Variants in UPRT observed in about 807,000 individuals in gnomAD.
UPRT encodes the protein RP11-311P8.3.
UPRT carries 5 observed loss-of-function variants against 22.6 expected under a neutral mutation model. The ratio of observed to expected loss-of-function variants is 0.22; its 90% CI spans 0.12 to 0.47. The LOEUF is 0.47. Ranked by LOEUF, UPRT falls within the 20% of genes least tolerant of loss-of-function variation. The pLI is 0.99. For missense variants in UPRT, 181 were observed against 239.9 expected, an observed-to-expected ratio of 0.75 and a Z score of 1.62; for synonymous variants, 77 against 87.7, an observed-to-expected ratio of 0.88 and a Z score of 0.68.
chrX:75,177,366 C>T (rs953525262), intron 4 of UPRT, among the ~76,000 whole-genome samples: 1 of 111,703 alleles, frequency 9.0e-6, no homozygotes, highest in Non-Finnish European at 1.9e-5. Context: ...CGAGGAAGGT[C>T]GGATTTAGTG....
intron 1 of UPRT, among the ~76,000 whole-genome samples, chrX:75,278,944 A>G (rs1250110314): frequency 3.6e-5 from 4 of 111,825 alleles, no homozygotes; most frequent in African/African-American, 1.3e-4. Flanking sequence ...GTGACTAAGT[A>G]ATGTATTGTC....
At position 75,303,965 on chromosome X, in the gene UPRT, G is replaced by T. The variant is rs747743060; in HGVS notation, c.*454G>T. The T allele has an allele frequency of 8.8e-6, 1 of 114,089 alleles. No homozygotes were observed. Among genetic ancestry groups the T allele is most frequent in the Non-Finnish European group, 1.8e-5 (1 of 54,809 alleles). 9.4% of individuals were successfully genotyped at this position (114,089 alleles called of 1,213,427 possible). On this transcript the variant is annotated 3_prime_UTR_variant, in exon 7 of 7. Coordinates refer to ENST00000373383, the MANE Select transcript of UPRT (RefSeq NM_145052.4). The stretch of plus-strand genomic sequence containing the variant: ...CTGTTTTCTTTCTGATACTGGACAT[G>T]CTAGTAACTTGGAGAGGAGAATAAA...
chrX:75,207,718 T>A (rs1038369098), intron 4 of UPRT, among the ~76,000 whole-genome samples: 1 of 111,675 alleles, frequency 9.0e-6, no homozygotes, highest in Admixed American at 9.5e-5. Flanking sequence ...TGAGTTTCTG[T>A]GCCTCTGAGG....
intron 4 of UPRT, among the ~76,000 whole-genome samples, chrX:75,168,477 C>T (rs1171666698): frequency 1.8e-5 from 2 of 110,908 alleles, no homozygotes; most frequent in African/African-American, 3.3e-5. Context: ...TTAAAATTTC[C>T]GTAGGTTTTG....
At position 75,304,561 on chromosome X, in the gene UPRT, T is replaced by C. The variant is rs1421800565; in HGVS notation, c.*1050T>C. 8.9e-6 allele frequency: 1 copy of C among 111,738 alleles called. No homozygotes were observed. The highest frequency in any genetic ancestry group is 3.3e-5 in the African/African-American group (1 of 30,733). The allele number at this position is 111,738 out of a possible 1,213,427, so 9.2% of individuals were successfully genotyped here. ...GTTCTGAAATCTGCTTGTAAAACTC[T>C]CATCTCATTTTACATTGATATTAAA... On this transcript the variant is annotated 3_prime_UTR_variant, in exon 7 of 7. Coordinates refer to ENST00000373383, the MANE Select transcript of UPRT (RefSeq NM_145052.4).
intron 4 of UPRT, among the ~76,000 whole-genome samples, chrX:75,234,304 C>T (rs1455567949): frequency 9.0e-6 from 1 of 111,036 alleles, no homozygotes. Flanking sequence ...GAGTGACCTA[C>T]AAAAAGGCTT....
intron 4 of UPRT, among the ~76,000 whole-genome samples, chrX:75,244,054 C>T (rs150337407): frequency 9.0e-6 from 1 of 111,359 alleles, no homozygotes; most frequent in African/African-American, 3.2e-5. Context: ...TCTTATCATC[C>T]AATCCAATTT....
intron 3 of UPRT, among the ~76,000 whole-genome samples, chrX:75,164,663 A>C: frequency 8.9e-6 from 1 of 112,217 alleles, no homozygotes. Context: ...TTGAAGCAAT[A>C]AAAATATGTT....
chrX:75,280,124 G>T (rs6647682), intron 1 of UPRT, among the ~76,000 whole-genome samples: 12,444 of 100,097 alleles, frequency 0.12, 1,488 homozygotes, highest in East Asian at 0.91. Context: ...GGGATTGTTT[G>T]TTTTTTTTTT....
chrX:75,302,709 A>T (rs185886098), intron 6 of UPRT, among the ~76,000 whole-genome samples: 26 of 110,907 alleles, frequency 2.3e-4, no homozygotes, highest in Admixed American at 1.5e-3. Context: ...CTTATGCCAA[A>T]TCACTCTACA....
Position 75,196,286 on chromosome X carries a change from C to T in UPRT, c.-447+28407C>T, listed in dbSNP as rs748842811. ...GCTCAAGTGATCCTCCTGCCTCAGC[C>T]TCCTGAGTACCTGGGACTATAGGCA... On this transcript the variant is annotated intron_variant, in intron 4 of 13. Coordinates refer to the UPRT transcript ENST00000652605. Among the ~76,000 whole-genome samples the T allele has an allele frequency of 2.4e-3, 269 of 112,214 alleles. 2 individuals are homozygous for T. The highest frequency in any genetic ancestry group is 4.6e-3 in the Middle Eastern group (1 of 216).
At chrX:75,269,547 C>T (rs757086515), upstream of UPRT, among the ~76,000 whole-genome samples, 33 of 111,477 alleles carry the variant, frequency 3.0e-4, no homozygotes, top group Admixed American at 4.8e-4. Context: ...GTACTGGTAC[C>T]AAAACAGATA....
chrX:75,299,353 A>G, intron 4 of UPRT, among the ~76,000 whole-genome samples: 1 of 112,279 alleles, frequency 8.9e-6, no homozygotes, highest in Non-Finnish European at 1.9e-5. Context: ...TTCTCATACA[A>G]AAGTCACAAA....
chrX:75,289,012 A>G (rs1480417286), intron 1 of UPRT, among the ~76,000 whole-genome samples: 1 of 111,370 alleles, frequency 9.0e-6, no homozygotes, highest in Non-Finnish European at 1.9e-5. Flanking sequence ...AAATCAGTGT[A>G]CCAAAATCAG....
intron 4 of UPRT, among the ~76,000 whole-genome samples, chrX:75,186,548 C>A (rs2082292817): frequency 9.0e-6 from 1 of 111,450 alleles, no homozygotes; most frequent in Non-Finnish European, 1.9e-5. Flanking sequence ...CTGCTTGGTG[C>A]AGAGCTTAGT....
intron 4 of UPRT, among the ~76,000 whole-genome samples, chrX:75,186,351 C>G (rs1053530713): frequency 3.6e-5 from 4 of 111,808 alleles, no homozygotes; most frequent in Admixed American, 9.5e-5. Flanking sequence ...ATTCTTAATC[C>G]TGACTTCTAG....
intron 1 of UPRT, among the ~76,000 whole-genome samples, chrX:75,156,899 TCA>T (rs753344635): frequency 1.1e-4 from 11 of 99,571 alleles, no homozygotes; most frequent in African/African-American, 4.2e-4. Flanking sequence ...TGGGACAGTC[TCA>T]CACACACACA....
intron 4 of UPRT, among the ~76,000 whole-genome samples, chrX:75,243,158 C>T (rs2082493655): frequency 9.0e-6 from 1 of 111,349 alleles, no homozygotes; most frequent in South Asian, 3.7e-4. Context: ...GGTTTCCATG[C>T]TGCCTAACAT....
intron 4 of UPRT, among the ~76,000 whole-genome samples, chrX:75,248,660 C>A (rs2082516179): frequency 9.0e-6 from 1 of 111,669 alleles, no homozygotes; most frequent in Non-Finnish European, 1.9e-5. Context: ...GGAGAACTTC[C>A]CCAATCTAGC....
Sources: gnomAD v4.1 joint callset for allele counts (sites outside exome capture counted in the v4.1 genomes callset) on GRCh38, gnomAD v4.1.1 for gene constraint, MANE v1.5 for transcripts, NCBI Gene and HGNC (gene_info 2026-07-23, HGNC 2026-07-21) for gene names.